Variants in GRIN2B observed in about 807,000 individuals in gnomAD.
The protein encoded by GRIN2B is glutamate ionotropic receptor NMDA type subunit 2B, also known as glutamate receptor ionotropic, NMDA 2B.
GRIN2B carries 5 observed loss-of-function variants against 114.5 expected under a neutral mutation model. That is an observed-to-expected ratio of 0.04 (90% CI 0.02 to 0.09). The LOEUF (loss-of-function observed/expected upper bound fraction) is 0.09, where lower values mean the gene tolerates loss of function less well. GRIN2B is among the 10% of genes least tolerant of loss of function. The pLI, the probability that GRIN2B is intolerant of heterozygous loss-of-function variation, is 1.00. For missense variants in GRIN2B, 1,108 were observed against 1,943.5 expected (o/e 0.57, Z 8.08); for synonymous variants, 787 against 745.1 (o/e 1.06, Z -0.92).
At chr12:13,649,853 T>C (rs1294663315) in intron 5 of GRIN2B, among the ~76,000 whole-genome samples, 1 of 152,130 alleles carries the variant, frequency 6.6e-6, no homozygotes. Flanking sequence ...AAGATACATA[T>C]TCTAAGTACC....
At chr12:13,745,832 C>G (rs1290984641) in intron 4 of GRIN2B, among the ~76,000 whole-genome samples, 3 of 152,156 alleles carry the variant, frequency 2.0e-5, no homozygotes, top group East Asian at 1.9e-4. Context: ...ACAGCCTGAG[C>G]TGGGGATCCC....
chr12:13,705,194 T>C (rs1380061246), intron 4 of GRIN2B, among the ~76,000 whole-genome samples: 1 of 152,198 alleles, frequency 6.6e-6, no homozygotes, highest in African/African-American at 2.4e-5. Context: ...CCTGCTCTCT[T>C]GCCTTAGCTT....
chr12:13,969,250 A>T (rs1443057729), intron 2 of GRIN2B, among the ~76,000 whole-genome samples: 3 of 152,252 alleles, frequency 2.0e-5, no homozygotes, highest in Non-Finnish European at 4.4e-5. Context: ...CTAGAAGAAA[A>T]TCACTTTAGC....
intron 3 of GRIN2B, among the ~76,000 whole-genome samples, chr12:13,838,005 T>G (rs374601955): frequency 1.3e-5 from 2 of 152,328 alleles, no homozygotes; most frequent in South Asian, 4.1e-4. Flanking sequence ...TGACTGCAAT[T>G]TTGCTTTTTC....
intron 4 of GRIN2B, among the ~76,000 whole-genome samples, chr12:13,713,947 C>T (rs1456903621): frequency 6.6e-6 from 1 of 151,644 alleles, no homozygotes; most frequent in Non-Finnish European, 1.5e-5. Flanking sequence ...TCCTTTGTGA[C>T]CTTAAGGGTG....
intron 4 of GRIN2B, among the ~76,000 whole-genome samples, chr12:13,690,385 A>G (rs1950207063): frequency 6.6e-6 from 1 of 151,694 alleles, no homozygotes; most frequent in Non-Finnish European, 1.5e-5. Context: ...ACACACACAC[A>G]CACACACACA....
At chr12:13,980,867 T>C (rs373523235) in intron 1 of GRIN2B, among the ~76,000 whole-genome samples, 86 of 152,084 alleles carry the variant, frequency 5.7e-4, no homozygotes, top group South Asian at 1.0e-3. Context: ...GGGTGCACAC[T>C]GGGCATTTCT....
At chr12:13,980,399 C>G (rs1477887864) in intron 1 of GRIN2B, 43 bp from the exon 2 acceptor site, 1 of 152,076 alleles carries the variant, frequency 6.6e-6, no homozygotes, top group Non-Finnish European at 1.5e-5. Context: ...TTCGCGTGTC[C>G]CCCGGAGGGT....
rs370937927 is a variant in GRIN2B, at chr12:13,549,187, A to G, written c.*13596T>C. On this transcript the variant is annotated 3_prime_UTR_variant, in exon 14 of 14. Transcript: ENST00000609686. ...CATAAGTGAACAGGTGGGTTGTAAG[A>G]GAAGGTTGTTGCAAGATTCTCTGAT... 1.3e-5 allele frequency: 2 copies of G among 152,158 alleles called. No homozygotes were observed. The highest frequency in any genetic ancestry group is 1.9e-4 in the East Asian group (1 of 5,192). The allele number at this position is 152,158 out of a possible 1,614,324, so 9.4% of individuals were successfully genotyped here. A position where few individuals can be genotyped will look rare whatever the true frequency, so the allele number is the denominator to read the frequency against.
Position 13,563,704 on chromosome 12 carries a change from G to T in GRIN2B, c.3534C>A (p.His1178Gln), listed in dbSNP as rs1806191. 2 of 1,613,300 alleles carry T rather than the reference G, an allele frequency of 1.2e-6. No individual in the cohort carries two copies. Among genetic ancestry groups the T allele is most frequent in the Non-Finnish European group, 8.5e-7 (1 of 1,179,920 alleles). Residue 1178 changes from histidine to glutamine, a missense_variant, in exon 14 of 14, where the codon CAC (histidine) becomes CAA (glutamine). Physicochemically the swap from His to Gln is conservative, Grantham distance 24. Coordinates refer to ENST00000609686, the MANE Select transcript of GRIN2B (RefSeq NM_000834.5). ...SGGGPCTNRS[H>Q]IKHGTGDKHG... ...GTTTGTCGCCCGTCCCGTGCTTGAT[G>T]TGAGACCTGTTGGTACAGGGCCCTC...
chr12:13,562,539 C>G lies in GRIN2B; in HGVS notation c.*244G>C. The stretch of plus-strand genomic sequence containing the variant: ...GCTGAGAGGGCCCATGGCATCATCT[C>G]ATGGGAACAGGAATGGCTGACAGCG... On this transcript the variant is annotated 3_prime_UTR_variant, in exon 14 of 14. Transcript: ENST00000609686. The G allele has an allele frequency of 1.8e-6, 1 of 543,376 alleles. No individual in the cohort carries two copies. Among genetic ancestry groups the G allele is most frequent in the South Asian group, 2.2e-5 (1 of 45,780 alleles). The allele number at this position is 543,376 out of a possible 1,614,324, so 33.7% of individuals were successfully genotyped here.
At chr12:13,920,362 A>C (rs907121322) in intron 2 of GRIN2B, among the ~76,000 whole-genome samples, 5 of 152,192 alleles carry the variant, frequency 3.3e-5, no homozygotes, top group African/African-American at 1.2e-4. Context: ...AGCATCATTC[A>C]TTGGTACTTT....
chr12:13,769,935 T>C (rs549160338), intron 3 of GRIN2B, among the ~76,000 whole-genome samples: 1 of 152,246 alleles, frequency 6.6e-6, no homozygotes, highest in Non-Finnish European at 1.5e-5. Flanking sequence ...ATCAAGCAGA[T>C]GTTAAACTAT....
intron 3 of GRIN2B, among the ~76,000 whole-genome samples, chr12:13,839,688 AC>A (rs1865345539): frequency 6.6e-6 from 1 of 152,214 alleles, no homozygotes; most frequent in African/African-American, 2.4e-5. Flanking sequence ...AGGTCTTGTG[AC>A]TGCACGCCTC....
intron 4 of GRIN2B, among the ~76,000 whole-genome samples, chr12:13,740,346 C>T (rs1166952958): frequency 1.3e-5 from 2 of 152,152 alleles, no homozygotes; most frequent in East Asian, 3.9e-4. Context: ...TTCCCGGCAT[C>T]CGGCACAGGG....
intron 5 of GRIN2B, among the ~76,000 whole-genome samples, chr12:13,669,750 C>T (rs975439036): frequency 4.6e-5 from 7 of 152,198 alleles, no homozygotes; most frequent in Admixed American, 3.3e-4. Flanking sequence ...TATGTATGAG[C>T]GGGGATGGAG....
intron 2 of GRIN2B, among the ~76,000 whole-genome samples, chr12:13,902,367 T>C (rs147397936): frequency 0.014 from 2,108 of 152,338 alleles, 25 homozygotes; most frequent in Middle Eastern, 0.034. Context: ...AGTATGTAAA[T>C]ATAGCATTTC....
At chr12:13,736,799 C>T (rs1423253232) in intron 4 of GRIN2B, among the ~76,000 whole-genome samples, 1 of 151,988 alleles carries the variant, frequency 6.6e-6, no homozygotes, top group Non-Finnish European at 1.5e-5. Context: ...GCGGGTGGAT[C>T]ACCTGAGGTC....
chr12:13,609,321 A>G (rs1271651699), intron 9 of GRIN2B, among the ~76,000 whole-genome samples: 1 of 152,172 alleles, frequency 6.6e-6, no homozygotes, highest in Non-Finnish European at 1.5e-5. Context: ...AACCCTCTCC[A>G]AGTCTGTTTA....
Sources: gnomAD v4.1 joint callset for allele counts (sites outside exome capture counted in the v4.1 genomes callset) on GRCh38, gnomAD v4.1.1 for gene constraint, MANE v1.5 for transcripts, NCBI Gene and HGNC (gene_info 2026-07-23, HGNC 2026-07-21) for gene names.